NTRK3: variants seen among roughly 807,000 people sequenced by gnomAD.
NTRK3 encodes the protein neurotrophic receptor tyrosine kinase 3, also known as NT-3 growth factor receptor.
In NTRK3, 24 loss-of-function variants were observed where a neutral mutation model predicts 91.7. That is an observed-to-expected ratio of 0.26 (90% CI 0.19 to 0.37). The LOEUF (loss-of-function observed/expected upper bound fraction) is 0.37, where lower values mean the gene tolerates loss of function less well. Among genes scored for constraint, NTRK3 ranks in the 10% least tolerant of loss-of-function variants. The pLI, the probability that NTRK3 is intolerant of heterozygous loss-of-function variation, is 1.00. For synonymous variants in NTRK3, 483 were observed against 404.0 expected (o/e 1.20, Z -2.34); for missense variants, 880 against 1,068.9 (o/e 0.82, Z 2.46).
intron 18 of NTRK3, among the ~76,000 whole-genome samples, chr15:87,878,153 G>C (rs921989030): frequency 6.6e-6 from 1 of 152,104 alleles, no homozygotes; most frequent in African/African-American, 2.4e-5. Context: ...CACTGACCCC[G>C]AACTTCAGTT....
chr15:87,863,493 G>A lies in NTRK3; in HGVS notation c.*13442C>T, dbSNP rs149104726. 9.1e-4 allele frequency: 199 copies of A among 219,512 alleles called. 1 individual carries two copies. The highest frequency in any genetic ancestry group is 4.2e-4 in the Non-Finnish European group (46 of 109,792). 13.6% of individuals were successfully genotyped at this position (219,512 alleles called of 1,614,324 possible). On this transcript the variant is annotated 3_prime_UTR_variant, in exon 19 of 19. Coordinates refer to ENST00000394480, the Ensembl canonical transcript of NTRK3. ...ACTCTTTCAGCAAAGGCTGATTTCAGGTGACAGGCCTCAAAACATGTTCCA... is the reference window on the plus strand; with the variant it reads ...ACTCTTTCAGCAAAGGCTGATTTCAAGTGACAGGCCTCAAAACATGTTCCA...
Position 88,147,505 on chromosome 15 carries a change from CCTT to C in NTRK3, c.396-105_396-103del, listed in dbSNP as rs34299110. 171,672 of 651,240 alleles carry C rather than the reference CCTT, an allele frequency of 0.26. 13,144 individuals are homozygous for C. Among genetic ancestry groups the C allele is most frequent in the Admixed American group, 0.34 (14,196 of 41,630 alleles). 40.3% of individuals were successfully genotyped at this position (651,240 alleles called of 1,614,324 possible). On this transcript the variant is annotated intron_variant, in intron 5 of 18. Transcript: ENST00000394480. ...TTTCACTGGAGCCTGGCTTTGTTTT[CCTT>C]CTTCTTCTTCTTCTTCTTCTTCTTC...
At chr15:88,160,309 T>A (rs2151427445) in intron 5 of NTRK3, among the ~76,000 whole-genome samples, 1 of 152,248 alleles carries the variant, frequency 6.6e-6, no homozygotes, top group Middle Eastern at 3.4e-3. Flanking sequence ...CTAGGCCCAC[T>A]GAGGGACCCA....
intron 14 of NTRK3, chr15:87,981,487 T>A: frequency 1.6e-6 from 2 of 1,273,870 alleles, no homozygotes; most frequent in South Asian, 2.4e-5. Flanking sequence ...TCAGCTCCTG[T>A]ACCCACTCTG....
exon 16 of NTRK3, chr15:87,933,179 C>T (rs2141957887): frequency 1.2e-6 from 2 of 1,614,160 alleles, no homozygotes; most frequent in Non-Finnish European, 1.7e-6. Flanking sequence ...TGGGATCCTT[C>T]AGGGCCTAGG....
chr15:88,032,794 CA>C, intron 14 of NTRK3, 62 bp downstream of exon 14: 1 of 1,583,176 alleles, frequency 6.3e-7, no homozygotes. Context: ...ACCCCAGGTA[CA>C]TGGTCTATCA....
chr15:87,924,458 C>A (rs1034876751), intron 17 of NTRK3, among the ~76,000 whole-genome samples: 2 of 152,166 alleles, frequency 1.3e-5, no homozygotes, highest in Admixed American at 6.5e-5. Context: ...ATGACCCACA[C>A]CTGTGTGTCA....
chr15:88,175,937 C>T (rs773791636), intron 5 of NTRK3, among the ~76,000 whole-genome samples: 2 of 152,080 alleles, frequency 1.3e-5, no homozygotes, highest in Non-Finnish European at 2.9e-5. Context: ...GAGGCAATAG[C>T]TTAAGCAGGA....
chr15:88,137,275 G>T, intron 7 of NTRK3, 129 bp downstream of exon 7: 3 of 1,055,592 alleles, frequency 2.8e-6, no homozygotes, highest in South Asian at 2.7e-5. Context: ...GCACACAACT[G>T]CAGAGTTCAA....
chr15:88,016,418 T>C (rs1014882684), intron 14 of NTRK3, among the ~76,000 whole-genome samples: 2 of 152,226 alleles, frequency 1.3e-5, no homozygotes, highest in Non-Finnish European at 2.9e-5. Context: ...TGTTCCTAAA[T>C]GGCCCATCAC....
At chr15:88,008,217 G>A (rs960038868) in intron 14 of NTRK3, among the ~76,000 whole-genome samples, 1 of 152,178 alleles carries the variant, frequency 6.6e-6, no homozygotes, top group African/African-American at 2.4e-5. Flanking sequence ...TTGGCTCTTG[G>A]AGAAGTTCCA....
intron 16 of NTRK3, 34 bp from the exon 17 acceptor site, chr15:87,929,468 G>C (rs2141917631): frequency 6.2e-7 from 1 of 1,609,972 alleles, no homozygotes; most frequent in African/African-American, 1.3e-5. Flanking sequence ...AGGGGGCAGA[G>C]AGAAATCAGG....
At chr15:88,247,661 A>G (rs2052969926) in intron 3 of NTRK3, among the ~76,000 whole-genome samples, 1 of 152,180 alleles carries the variant, frequency 6.6e-6, no homozygotes, top group Non-Finnish European at 1.5e-5. Context: ...CAGAAGTGCG[A>G]GGCCAGTGGC....
intron 14 of NTRK3, among the ~76,000 whole-genome samples, chr15:87,983,469 T>C (rs1310356631): frequency 6.6e-6 from 1 of 152,188 alleles, no homozygotes; most frequent in East Asian, 1.9e-4. Context: ...CCATCAGACA[T>C]GTTGCTGATA....
rs1596568883 is a variant in NTRK3 at position 87,993,188 on chromosome 15, G to T, written c.1585+39669C>A. 2.0e-5 allele frequency among the ~76,000 whole-genome samples: 3 copies of T among 152,248 alleles called. No homozygotes were observed. In the South Asian group the frequency reaches 6.2e-4, roughly 32 times the overall value. ...TACCCCAGGGTGCTCAACTTCCCTTGGAGTCATGGCCGTACCATTTAGGAT... is the reference window on the plus strand; with the variant it reads ...TACCCCAGGGTGCTCAACTTCCCTTTGAGTCATGGCCGTACCATTTAGGAT... On this transcript the variant is annotated intron_variant, in intron 14 of 18. Coordinates refer to ENST00000394480, the Ensembl canonical transcript of NTRK3.
intron 13 of NTRK3, among the ~76,000 whole-genome samples, chr15:88,085,554 A>G (rs903476597): frequency 2.1e-4 from 32 of 152,188 alleles, no homozygotes; most frequent in African/African-American, 7.7e-4. Context: ...CAAGCACATC[A>G]GGAATCAGCC....
intron 13 of NTRK3, among the ~76,000 whole-genome samples, chr15:88,116,412 C>A (rs761168674): frequency 6.6e-6 from 1 of 151,202 alleles, no homozygotes; most frequent in African/African-American, 2.4e-5. Context: ...TGGTGAAACC[C>A]CGTATCTACT....
At chr15:87,934,869 C>T (rs1323708705) in intron 15 of NTRK3, among the ~76,000 whole-genome samples, 2 of 152,174 alleles carry the variant, frequency 1.3e-5, no homozygotes, top group African/African-American at 4.8e-5. Flanking sequence ...GGTCTTCCAG[C>T]CAGAGATCAA....
At chr15:88,153,432 C>T (rs1021909202) in intron 5 of NTRK3, among the ~76,000 whole-genome samples, 1 of 151,844 alleles carries the variant, frequency 6.6e-6, no homozygotes, top group African/African-American at 2.4e-5. Flanking sequence ...TTAGTAGACA[C>T]TAAAAATACA....
Sources: gnomAD v4.1 joint callset for allele counts (sites outside exome capture counted in the v4.1 genomes callset) on GRCh38, gnomAD v4.1.1 for gene constraint, MANE v1.5 for transcripts, NCBI Gene and HGNC (gene_info 2026-07-23, HGNC 2026-07-21) for gene names.